KDM1A: variants seen among roughly 807,000 people sequenced by gnomAD.
The protein encoded by KDM1A is lysine demethylase 1A.
KDM1A carries 49 observed loss-of-function variants against 109.4 expected under a neutral mutation model. The observed-to-expected ratio is 0.45, with a 90% CI of 0.36 to 0.57. The LOEUF (loss-of-function observed/expected upper bound fraction) is 0.57. Ranked by LOEUF, KDM1A falls within the 20% of genes least tolerant of loss-of-function variation. The pLI, the probability that KDM1A is intolerant of heterozygous loss-of-function variation, is 0.00. For synonymous variants in KDM1A, 380 were observed against 415.4 expected (o/e 0.91, Z 1.04); for missense variants, 668 against 1,116.6 (o/e 0.60, Z 5.73).
chr1:23,049,433 A>G (rs1323879620), intron 3 of KDM1A, among the ~76,000 whole-genome samples: 3 of 148,298 alleles, frequency 2.0e-5, no homozygotes, highest in African/African-American at 7.9e-5. Flanking sequence ...TGAAAATAAC[A>G]TGTTTTTTGG....
chr1:23,046,094 A>G lies in KDM1A; in HGVS notation c.577+1608A>G, dbSNP rs150194767. On this transcript the variant is annotated intron_variant, in intron 3 of 20. Transcript: ENST00000400181. ...ACTTCCTGCCTTCAAACAGTATTTT[A>G]TCTCCCTTATTTTATGGATTAGGAT... Among the ~76,000 whole-genome samples, 63 of 152,262 alleles carry G rather than the reference A, an allele frequency of 4.1e-4. No individual in the cohort carries two copies. In the South Asian group the frequency reaches 6.6e-3, roughly 16 times the overall value.
intron 2 of KDM1A, among the ~76,000 whole-genome samples, chr1:23,036,442 AC>A: frequency 1.4e-5 from 1 of 72,354 alleles, no homozygotes; most frequent in African/African-American, 6.0e-5. Context: ...TTTTCTTGCC[AC>A]GCCCCCCCCC....
chr1:23,077,157 T>A (rs1209589485), intron 15 of KDM1A, 71 bp from the exon 16 acceptor site: 14 of 1,417,274 alleles, frequency 9.9e-6, no homozygotes, highest in Non-Finnish European at 1.3e-5. Flanking sequence ...TCATTGTTGT[T>A]GTACAGAACT....
chr1:23,078,929 T>C (rs2124544169), intron 16 of KDM1A, 61 bp from the exon 17 acceptor site: 1 of 1,379,296 alleles, frequency 7.3e-7, no homozygotes. Flanking sequence ...CACTAAATGT[T>C]CAGTGTCCTT....
intron 9 of KDM1A, among the ~76,000 whole-genome samples, chr1:23,064,044 A>G (rs555675407): frequency 3.9e-5 from 6 of 152,180 alleles, no homozygotes; most frequent in Non-Finnish European, 5.9e-5. Flanking sequence ...ACACCCCTAC[A>G]CCTGGCTAAT....
intron 1 of KDM1A, 124 bp downstream of exon 1, chr1:23,020,071 C>T (rs1432945670): frequency 1.9e-5 from 20 of 1,037,492 alleles, no homozygotes; most frequent in Non-Finnish European, 2.6e-5. Context: ...CCTTGTATCG[C>T]TGCGCACGCC....
intron 15 of KDM1A, among the ~76,000 whole-genome samples, chr1:23,077,013 A>G (rs931736015): frequency 6.6e-6 from 1 of 150,864 alleles, no homozygotes; most frequent in African/African-American, 2.4e-5. Context: ...TAATCTCACT[A>G]CCCGAAGATT....
intron 1 of KDM1A, among the ~76,000 whole-genome samples, chr1:23,027,827 C>T (rs1447376431): frequency 6.6e-6 from 1 of 151,730 alleles, no homozygotes; most frequent in Non-Finnish European, 1.5e-5. Flanking sequence ...TTGAGTTACC[C>T]AAGCAGCACA....
chr1:23,026,201 A>T (rs1641795157), intron 1 of KDM1A, among the ~76,000 whole-genome samples: 1 of 152,224 alleles, frequency 6.6e-6, no homozygotes, highest in Non-Finnish European at 1.5e-5. Flanking sequence ...AGAAAATATC[A>T]CATAATGGGA....
At chr1:23,063,203 G>GGGT (rs1643054221) in intron 9 of KDM1A, among the ~76,000 whole-genome samples, 1 of 80,744 alleles carries the variant, frequency 1.2e-5, no homozygotes, top group Non-Finnish European at 2.7e-5. Context: ...CATTGGGGGG[G>GGGT]GGGTGTGGTG....
At chr1:23,045,609 G>T (rs1642480547) in intron 3 of KDM1A, among the ~76,000 whole-genome samples, 1 of 152,090 alleles carries the variant, frequency 6.6e-6, no homozygotes, top group Non-Finnish European at 1.5e-5. Context: ...TTGAAGATCA[G>T]GGATGGCCTT....
In KDM1A at chr1:23,043,574, A is replaced by G. The variant is rs191792855; in HGVS notation, c.518-853A>G. ...TTCCAAAGATCACACTCATTTTCCT[A>G]TAGTGTACCAGGTGACTAGAAGCTT... is the stretch of plus-strand genomic sequence containing the variant. On this transcript the variant is annotated intron_variant, in intron 2 of 20. Transcript: ENST00000400181. Among the ~76,000 whole-genome samples the G allele has an allele frequency of 7.2e-5, 11 of 152,266 alleles. No individual in the cohort carries two copies. The East Asian group carries it at 1.9e-3, about 27-fold the overall frequency.
Position 23,039,078 on chromosome 1 carries a change from G to T in KDM1A, c.518-5349G>T, listed in dbSNP as rs183199193. Among the ~76,000 whole-genome samples the T allele has an allele frequency of 2.7e-3, 406 of 152,230 alleles. 4 individuals are homozygous for T. Among genetic ancestry groups the T allele is most frequent in the African/African-American group, 9.1e-3 (376 of 41,530 alleles). On this transcript the variant is annotated intron_variant, in intron 2 of 20. Transcript: ENST00000400181. ...CATTTATGACTGCTTCAAATTATCT[G>T]AGCCTATTATTACTTCCATGCTATT...
At chr1:23,077,095 T>C in intron 15 of KDM1A, 133 bp from the exon 16 acceptor site, 3 of 768,278 alleles carry the variant, frequency 3.9e-6, no homozygotes, top group Non-Finnish European at 3.9e-6. Flanking sequence ...TACTGAGTGA[T>C]TTGTTCTTTA....
intron 15 of KDM1A, among the ~76,000 whole-genome samples, chr1:23,074,898 T>C (rs1643418933): frequency 6.6e-6 from 1 of 152,250 alleles, no homozygotes; most frequent in Non-Finnish European, 1.5e-5. Flanking sequence ...TGTCTATCCA[T>C]ATGCCACTAT....
chr1:23,049,171 A>AAT, intron 3 of KDM1A, among the ~76,000 whole-genome samples: 1 of 150,916 alleles, frequency 6.6e-6, no homozygotes, highest in East Asian at 1.9e-4. Flanking sequence ...AAAAAAAAAA[A>AAT]AAAAATTATA....
chr1:23,027,587 T>C (rs1015973024), intron 1 of KDM1A, among the ~76,000 whole-genome samples: 2 of 141,602 alleles, frequency 1.4e-5, no homozygotes, highest in African/African-American at 5.2e-5. Context: ...CACACCAGGC[T>C]AAGTTGTTTT....
chr1:23,079,545 T>TA lies in KDM1A; in HGVS notation c.2056-7dup, dbSNP rs1182962643. 6.2e-7 allele frequency: 1 copy of TA among 1,608,910 alleles called. No homozygotes were observed. Among genetic ancestry groups the TA allele is most frequent in the Non-Finnish European group, 8.5e-7 (1 of 1,176,970 alleles). Reference sequence around the variant, plus strand: ...GTCACTGGCTCATGTGCTTCTTTCTTATGGTAGGTGGTGTTGTGTTTTGAT... The same window carrying TA: ...GTCACTGGCTCATGTGCTTCTTTCTTAATGGTAGGTGGTGTTGTGTTTTGAT... On this transcript the variant is annotated splice_region_variant and splice_polypyrimidine_tract_variant and intron_variant, in intron 17 of 20. Transcript: ENST00000400181. The surrounding 1 kb of genome is among the most constrained non-coding windows in gnomAD (Gnocchi z 5.6).
intron 1 of KDM1A, among the ~76,000 whole-genome samples, chr1:23,025,118 G>A (rs1641755029): frequency 6.6e-6 from 1 of 152,204 alleles, no homozygotes; most frequent in Non-Finnish European, 1.5e-5. Context: ...GTAGCCACAT[G>A]TGGCTATTAA....
Sources: gnomAD v4.1 joint callset for allele counts (sites outside exome capture counted in the v4.1 genomes callset) on GRCh38, gnomAD v4.1.1 for gene constraint, Gnocchi (gnomAD v3.1) non-coding constraint, MANE v1.5 for transcripts, NCBI Gene and HGNC (gene_info 2026-07-23, HGNC 2026-07-21) for gene names.